Variants in FTCDNL1 observed in about 807,000 individuals in gnomAD.
FTCDNL1 encodes formiminotransferase N-terminal subdomain-containing protein.
Under a neutral mutation model 5.9 loss-of-function variants are expected in FTCDNL1, and 11 were observed. The observed-to-expected ratio is 1.87, with a 90% CI of 1.18 to 3.10. The LOEUF is 3.10. FTCDNL1 is among the 30% of genes most tolerant of loss of function. The pLI is 0.00. For missense variants in FTCDNL1, 115 were observed against 65.5 expected, an observed-to-expected ratio of 1.76 and a Z score of -2.61; for synonymous variants, 58 against 24.8, an observed-to-expected ratio of 2.34 and a Z score of -3.99.
At chr2:199,771,504 T>C (rs1262718968) in intron 3 of FTCDNL1, among the ~76,000 whole-genome samples, 1 of 152,326 alleles carries the variant, frequency 6.6e-6, no homozygotes, top group East Asian at 1.9e-4. Context: ...TAAATACACA[T>C]GTGTAAAAGA....
At chr2:199,767,837 T>C (rs1413049869) in intron 3 of FTCDNL1, among the ~76,000 whole-genome samples, 3 of 152,216 alleles carry the variant, frequency 2.0e-5, no homozygotes, top group African/African-American at 7.2e-5. Flanking sequence ...TGTTATTATA[T>C]ATCACCCAGT....
At chr2:199,795,002 G>A (rs1434115009) in intron 3 of FTCDNL1, among the ~76,000 whole-genome samples, 3 of 152,308 alleles carry the variant, frequency 2.0e-5, no homozygotes, top group Non-Finnish European at 4.4e-5. Context: ...ACTGACCCAA[G>A]GTCAGATTCT....
the FTCDNL1 span, among the ~76,000 whole-genome samples, chr2:199,686,810 G>A: frequency 6.6e-6 from 1 of 152,110 alleles, no homozygotes; most frequent in East Asian, 1.9e-4. Flanking sequence ...CTATGCAAGT[G>A]CTCCTATCCT....
the FTCDNL1 span, among the ~76,000 whole-genome samples, chr2:199,729,718 GA>G: frequency 3.3e-5 from 5 of 151,882 alleles, no homozygotes; most frequent in African/African-American, 7.2e-5. Flanking sequence ...CAAACAAATG[GA>G]AAAAAAATTC....
chr2:199,837,783 T>C (rs552322958), intron 3 of FTCDNL1, among the ~76,000 whole-genome samples: 53 of 152,376 alleles, frequency 3.5e-4, no homozygotes, highest in African/African-American at 1.1e-3. Context: ...TCTTTATTCA[T>C]GTAGCTTATA....
chr2:199,846,514 T>C (rs1202611221), intron 2 of FTCDNL1, among the ~76,000 whole-genome samples: 1 of 152,218 alleles, frequency 6.6e-6, no homozygotes, highest in Non-Finnish European at 1.5e-5. Flanking sequence ...ATCCTGTTCC[T>C]TATCAATCTC....
At chr2:199,821,105 C>A (rs1194460692) in intron 3 of FTCDNL1, among the ~76,000 whole-genome samples, 1 of 152,092 alleles carries the variant, frequency 6.6e-6, no homozygotes, top group Non-Finnish European at 1.5e-5. Flanking sequence ...CTGGGTACCA[C>A]TGGGGTGTAA....
At chr2:199,681,357 G>A in the FTCDNL1 span, among the ~76,000 whole-genome samples, 1 of 152,188 alleles carries the variant, frequency 6.6e-6, no homozygotes, top group African/African-American at 2.4e-5. Context: ...TCGGGAGGCT[G>A]AGGCAGGAGA....
chr2:199,665,781 A>G, the FTCDNL1 span, among the ~76,000 whole-genome samples: 3 of 93,946 alleles, frequency 3.2e-5, no homozygotes, highest in South Asian at 9.2e-4. Flanking sequence ...AGAGAGGATT[A>G]TGGCTTCTTT....
chr2:199,735,588 T>A, the FTCDNL1 span, among the ~76,000 whole-genome samples: 4 of 152,246 alleles, frequency 2.6e-5, no homozygotes, highest in East Asian at 5.8e-4. Flanking sequence ...AGCATTTCCA[T>A]CTGTCCTCAG....
chr2:199,670,424 TAGGACTCA>T, the FTCDNL1 span, among the ~76,000 whole-genome samples: 1 of 152,170 alleles, frequency 6.6e-6, no homozygotes, highest in Admixed American at 6.5e-5. Context: ...CAAGGCAAAA[TAGGACTCA>T]AGAATCAGTT....
the FTCDNL1 span, among the ~76,000 whole-genome samples, chr2:199,716,693 T>G: frequency 1.3e-5 from 2 of 152,154 alleles, no homozygotes; most frequent in African/African-American, 4.8e-5. Context: ...TAACGCTATT[T>G]ACAATGAGGC....
rs141726316 is a variant in FTCDNL1 at position 199,823,295 on chromosome 2, C to T, written c.212-3538G>A. On this transcript the variant is annotated intron_variant, in intron 3 of 4. Coordinates refer to ENST00000420128, the MANE Select transcript of FTCDNL1 (RefSeq NM_001363886.2). ...AGTCACCCATGAGGGTTGGAACCAA[C>T]TTCTTCCAAACTCCTCTTAATGTTG... is the stretch of plus-strand genomic sequence containing the variant. 2.3e-4 allele frequency among the ~76,000 whole-genome samples: 35 copies of T among 152,268 alleles called. 1 individual carries two copies. In the East Asian group the frequency reaches 6.8e-3, roughly 29 times the overall value.
chr2:199,808,800 T>C (rs967971204), downstream of FTCDNL1, among the ~76,000 whole-genome samples: 3 of 152,222 alleles, frequency 2.0e-5, no homozygotes, highest in Non-Finnish European at 2.9e-5. Flanking sequence ...TTACAGCTTA[T>C]AGACATTTAT....
rs552357947 is a variant in FTCDNL1, at chr2:199,838,499, C to G, written c.211+7576G>C. 2.0e-5 allele frequency among the ~76,000 whole-genome samples: 3 copies of G among 152,292 alleles called. No homozygotes were observed. In the South Asian group the frequency reaches 6.2e-4, roughly 32 times the overall value. ...CAAACCAACAGAAATAAAGAGGAGGCAATCGCACTGGAAGCTGCAGAGAAA... is the reference window on the plus strand; with the variant it reads ...CAAACCAACAGAAATAAAGAGGAGGGAATCGCACTGGAAGCTGCAGAGAAA... On this transcript the variant is annotated intron_variant, in intron 3 of 4. Transcript: ENST00000420128.
At position 199,812,711 on chromosome 2, in the gene FTCDNL1, C is replaced by T. The variant is rs774603613; in HGVS notation, c.411G>A (p.Ala137=). Residue 137 remains alanine, a synonymous_variant, in exon 5 of 5, where the codon GCG becomes GCA. Coordinates refer to ENST00000420128, the MANE Select transcript of FTCDNL1 (RefSeq NM_001363886.2). ...QRCGLTACFR[A]L Reference sequence around the variant, plus strand: ...TTTTCTTCCAACACAACTGTCACAACGCCCTGAAGCAAGCTAAAAACAAGG... The same window carrying T: ...TTTTCTTCCAACACAACTGTCACAATGCCCTGAAGCAAGCTAAAAACAAGG... 101 of 698,782 alleles carry T rather than the reference C, an allele frequency of 1.4e-4. 2 individuals are homozygous for T. The highest frequency in any genetic ancestry group is 8.6e-4 in the African/African-American group (49 of 57,196). 43.3% of individuals were successfully genotyped at this position (698,782 alleles called of 1,614,324 possible). A position where few individuals can be genotyped will look rare whatever the true frequency, so the allele number is the denominator to read the frequency against.
the FTCDNL1 span, among the ~76,000 whole-genome samples, chr2:199,744,038 C>A: frequency 6.6e-6 from 1 of 152,192 alleles, no homozygotes; most frequent in African/African-American, 2.4e-5. Flanking sequence ...ATTAATGTCA[C>A]AATCCAATAG....
the FTCDNL1 span, among the ~76,000 whole-genome samples, chr2:199,677,857 A>G: frequency 6.6e-6 from 1 of 152,236 alleles, no homozygotes; most frequent in Non-Finnish European, 1.5e-5. Context: ...AGTAAAATGT[A>G]CAATACTGGA....
intron 3 of FTCDNL1, among the ~76,000 whole-genome samples, chr2:199,804,080 T>G (rs1247668562): frequency 6.6e-6 from 1 of 152,198 alleles, no homozygotes; most frequent in Non-Finnish European, 1.5e-5. Flanking sequence ...TAAAAAGAAT[T>G]TTGGGATAGA....
Sources: gnomAD v4.1 joint callset for allele counts (sites outside exome capture counted in the v4.1 genomes callset) on GRCh38, gnomAD v4.1.1 for gene constraint, MANE v1.5 for transcripts, NCBI Gene and HGNC (gene_info 2026-07-23, HGNC 2026-07-21) for gene names.